Variants in GALNT9 observed in about 807,000 individuals in gnomAD.
The protein encoded by GALNT9 is GalNAc transferase 9.
Under a neutral mutation model 63.1 loss-of-function variants are expected in GALNT9, and 47 were observed. That is an observed-to-expected ratio of 0.75 (90% CI 0.59 to 0.95). The LOEUF is 0.95. Among genes scored for constraint, GALNT9 ranks in the 40% least tolerant of loss-of-function variants. The pLI, the probability that GALNT9 is intolerant of heterozygous loss-of-function variation, is 0.00. For synonymous variants in GALNT9, 396 were observed against 365.7 expected, an observed-to-expected ratio of 1.08 and a Z score of -0.94; for missense variants, 829 against 874.8, an observed-to-expected ratio of 0.95 and a Z score of 0.66.
At position 132,308,353 on chromosome 12, in the gene GALNT9, G is replaced by C. The variant is rs574590952; in HGVS notation, c.238+20613C>G. 1.1e-4 allele frequency among the ~76,000 whole-genome samples: 16 copies of C among 152,352 alleles called. No homozygotes were observed. In the East Asian group the frequency reaches 3.1e-3, roughly 29 times the overall value. ...TGGTGAGCTGTGACAGCAGCCCCAG[G>C]AAAATAATACAGGAGGCTAAGCTGG... On this transcript the variant is annotated intron_variant, in intron 1 of 10. Coordinates refer to ENST00000328957, the MANE Select transcript of GALNT9 (RefSeq NM_001122636.2).
intron 1 of GALNT9, among the ~76,000 whole-genome samples, chr12:132,294,122 A>G (rs1258109917): frequency 3.9e-5 from 6 of 152,234 alleles, no homozygotes; most frequent in Non-Finnish European, 8.8e-5. Flanking sequence ...GGTGACCACT[A>G]TGGACACATT....
chr12:132,239,833 GAGAC>G (rs1378029051), intron 6 of GALNT9, among the ~76,000 whole-genome samples: 1 of 152,114 alleles, frequency 6.6e-6, no homozygotes, highest in African/African-American at 2.4e-5. Context: ...AAGACTGAGA[GAGAC>G]AAAGAGAGAC....
chr12:132,197,162 C>T lies in GALNT9; in HGVS notation c.1757G>A (p.Arg586Lys). The T allele has an allele frequency of 6.2e-7, 1 of 1,614,178 alleles. No homozygotes were observed. Among genetic ancestry groups the T allele is most frequent in the South Asian group, 1.1e-5 (1 of 91,090 alleles). The change falls in exon 11 of 11, where the codon AGG becomes AAG. Residue 586 changes from arginine to lysine, a missense_variant. Transcript: ENST00000328957. ...GATCATCCACTTCTGCCCCGAGCAC[C>T]TCTGTACCACCAGCCGGAGCCCAAA... ...ANFGLRLVVQ[R>K]CSGQKWMIRN...
intron 6 of GALNT9, chr12:132,240,546 C>A (rs1878219678): frequency 1.3e-5 from 6 of 445,944 alleles, no homozygotes; most frequent in South Asian, 9.5e-5. Flanking sequence ...TGGCGTGGCC[C>A]CAGGGCTCAG....
At chr12:132,284,629 C>G (rs28410078) in intron 2 of GALNT9, 33,107 of 152,226 alleles carry the variant, frequency 0.22, 3,799 homozygotes, top group South Asian at 0.29. Context: ...CTGAGGTGTC[C>G]AAGCCTCCAT....
rs1401943483 is a variant in GALNT9 at position 132,327,367 on chromosome 12, G to A, written c.238+1599C>T. 6.6e-6 allele frequency among the ~76,000 whole-genome samples: 1 copy of A among 151,924 alleles called. No homozygotes were observed. Reference sequence around the variant, plus strand: ...GTCAGCAAAGCGGATCATGGGTCCTGGCTTTTTCCACCACCAAGAATCCCA... The same window carrying A: ...GTCAGCAAAGCGGATCATGGGTCCTAGCTTTTTCCACCACCAAGAATCCCA... On this transcript the variant is annotated intron_variant, in intron 1 of 10. Transcript: ENST00000328957. The surrounding 1 kb of genome is among the most constrained non-coding windows in gnomAD (Gnocchi z 4.3).
chr12:132,267,751 A>G (rs1593094251), intron 2 of GALNT9, among the ~76,000 whole-genome samples: 3 of 145,650 alleles, frequency 2.1e-5, no homozygotes, highest in Middle Eastern at 3.4e-3. Context: ...ACAAGCACAC[A>G]CACTCACACA....
intron 6 of GALNT9, among the ~76,000 whole-genome samples, chr12:132,213,580 TAC>T (rs145995989): frequency 2.4e-4 from 36 of 151,788 alleles, no homozygotes; most frequent in African/African-American, 7.5e-4. Flanking sequence ...CACTCCCACC[TAC>T]ACACAGTCAC....
In GALNT9 at chr12:132,196,983, T is replaced by C; in HGVS notation, c.*124A>G. On this transcript the variant is annotated 3_prime_UTR_variant, in exon 11 of 11. Coordinates refer to ENST00000328957, the MANE Select transcript of GALNT9 (RefSeq NM_001122636.2). ...AGCCACACCCCGGCCCCTCAGCCTC[T>C]GCTGTCCTGGCCGCACATAGAGCCC... The C allele has an allele frequency of 6.6e-7, 1 of 1,521,058 alleles. No individual in the cohort carries two copies. Among genetic ancestry groups the C allele is most frequent in the Admixed American group, 2.0e-5 (1 of 50,618 alleles). The allele number at this position is 1,521,058 out of a possible 1,614,324, so 94.2% of individuals were successfully genotyped here. A position where few individuals can be genotyped will look rare whatever the true frequency, so the allele number is the denominator to read the frequency against.
intron 8 of GALNT9, among the ~76,000 whole-genome samples, chr12:132,199,728 C>T (rs1357593687): frequency 1.3e-5 from 2 of 152,206 alleles, no homozygotes; most frequent in African/African-American, 4.8e-5. Flanking sequence ...AAGCCCGGGC[C>T]AGACTGCTGG....
In GALNT9 at chr12:132,205,019, G is replaced by T. The variant is rs570079313; in HGVS notation, c.1078-1329C>A. 7.2e-5 allele frequency among the ~76,000 whole-genome samples: 11 copies of T among 152,256 alleles called. No individual in the cohort carries two copies. The East Asian group carries it at 2.1e-3, about 29-fold the overall frequency. The stretch of plus-strand genomic sequence containing the variant: ...GCGGTGCTGAGAAGGTGCCGAGGCC[G>T]AGGGTGGTGCCAACTGCAGGGGCGC... On this transcript the variant is annotated intron_variant, in intron 6 of 10. Coordinates refer to ENST00000328957, the MANE Select transcript of GALNT9 (RefSeq NM_001122636.2).
At chr12:132,214,098 T>C (rs1187721554) in intron 6 of GALNT9, among the ~76,000 whole-genome samples, 1 of 152,158 alleles carries the variant, frequency 6.6e-6, no homozygotes, top group African/African-American at 2.4e-5. Context: ...TCACAAGGAT[T>C]ACCAGGAGGG....
intron 6 of GALNT9, 128 bp downstream of exon 6, chr12:132,247,782 G>A: frequency 7.9e-7 from 1 of 1,262,136 alleles, no homozygotes; most frequent in Non-Finnish European, 1.1e-6. Context: ...CCCATCCCCG[G>A]ACGCTGCAGC....
intron 2 of GALNT9, chr12:132,276,084 G>T (rs1880075823): frequency 6.6e-6 from 1 of 152,290 alleles, no homozygotes; most frequent in Admixed American, 6.5e-5. Context: ...TTTCCGGTTG[G>T]CTTCCATGAA....
chr12:132,220,998 A>G (rs111311396), intron 6 of GALNT9, among the ~76,000 whole-genome samples: 1,707 of 142,300 alleles, frequency 0.012, 27 homozygotes, highest in African/African-American at 0.043. Flanking sequence ...TGGAGGTTGC[A>G]GTGAGCTGAG....
intron 6 of GALNT9, among the ~76,000 whole-genome samples, chr12:132,208,067 C>T (rs140856677): frequency 5.4e-4 from 82 of 152,326 alleles, no homozygotes; most frequent in Middle Eastern, 3.4e-3. Flanking sequence ...CCGCGCTCCC[C>T]GGGAGATTGA....
intron 1 of GALNT9, among the ~76,000 whole-genome samples, chr12:132,303,726 C>G (rs369584900): frequency 7.4e-5 from 4 of 53,972 alleles, no homozygotes; most frequent in Admixed American, 4.2e-4. Context: ...CCCGGGCACA[C>G]CCTCACCCAG....
chr12:132,284,846 G>A (rs1335113142), intron 2 of GALNT9, among the ~76,000 whole-genome samples: 2 of 152,220 alleles, frequency 1.3e-5, no homozygotes, highest in East Asian at 3.9e-4. Flanking sequence ...CCGGGTTCCT[G>A]CACCAACCTC....
At chr12:132,284,651 A>C (rs1029946944) in intron 2 of GALNT9, 1 of 152,244 alleles carries the variant, frequency 6.6e-6, no homozygotes, top group Admixed American at 6.5e-5. Flanking sequence ...CCCAGGCCTC[A>C]GCCCTGTTTG....
Sources: gnomAD v4.1 joint callset for allele counts (sites outside exome capture counted in the v4.1 genomes callset) on GRCh38, gnomAD v4.1.1 for gene constraint, Gnocchi (gnomAD v3.1) non-coding constraint, MANE v1.5 for transcripts, NCBI Gene and HGNC (gene_info 2026-07-23, HGNC 2026-07-21) for gene names.